ZDHHC15: variants seen among roughly 807,000 people sequenced by gnomAD.
ZDHHC15 encodes the protein palmitoyltransferase ZDHHC15.
ZDHHC15 carries 19 observed loss-of-function variants against 31.7 expected under a neutral mutation model. The observed-to-expected ratio is 0.60, with a 90% CI of 0.42 to 0.88. The LOEUF (loss-of-function observed/expected upper bound fraction) is 0.88, where lower values mean the gene tolerates loss of function less well. Ranked by LOEUF, ZDHHC15 falls within the 40% of genes least tolerant of loss-of-function variation. The pLI is 0.00. For synonymous variants in ZDHHC15, 103 were observed against 90.0 expected (o/e 1.14, Z -0.82); for missense variants, 209 against 251.2 (o/e 0.83, Z 1.14).
At chrX:75,486,040 C>A (rs867180828) in intron 2 of ZDHHC15, among the ~76,000 whole-genome samples, 2 of 110,280 alleles carry the variant, frequency 1.8e-5, no homozygotes, top group African/African-American at 3.3e-5. Context: ...CAAGGAAAAC[C>A]AAAAAAAATC....
chrX:75,429,579 C>T (rs2083754210), intron 6 of ZDHHC15, among the ~76,000 whole-genome samples: 1 of 111,500 alleles, frequency 9.0e-6, no homozygotes, highest in Admixed American at 9.6e-5. Flanking sequence ...GTCTGATATA[C>T]AAAATTTGGA....
intron 10 of ZDHHC15, among the ~76,000 whole-genome samples, chrX:75,382,349 A>C (rs2083123079): frequency 8.9e-6 from 1 of 112,471 alleles, no homozygotes; most frequent in African/African-American, 3.2e-5. Context: ...AACATCCATG[A>C]TATTACTGCA....
intron 4 of ZDHHC15, among the ~76,000 whole-genome samples, chrX:75,444,306 A>C (rs1480079969): frequency 9.2e-6 from 1 of 109,008 alleles, no homozygotes; most frequent in Non-Finnish European, 1.9e-5. Flanking sequence ...GGATGAGTTC[A>C]TGTCCTTTGT....
chrX:75,487,917 G>A (rs2084804049), intron 2 of ZDHHC15, among the ~76,000 whole-genome samples: 1 of 111,981 alleles, frequency 8.9e-6, no homozygotes, highest in Non-Finnish European at 1.9e-5. Flanking sequence ...TGAACAAAGA[G>A]AAGAAAAAAC....
intron 2 of ZDHHC15, among the ~76,000 whole-genome samples, chrX:75,497,364 T>C (rs765829802): frequency 1.8e-5 from 2 of 111,051 alleles, no homozygotes; most frequent in Admixed American, 9.6e-5. Flanking sequence ...CAAAAAGAAA[T>C]CCAGGACCAG....
chrX:75,373,464 G>C (rs1241150445), intron 11 of ZDHHC15, among the ~76,000 whole-genome samples: 1 of 110,570 alleles, frequency 9.0e-6, no homozygotes, highest in Non-Finnish European at 1.9e-5. Flanking sequence ...CATATAGTAG[G>C]CCCTCAAGTA....
At position 75,417,070 on chromosome X, in the gene ZDHHC15, T is replaced by C; in HGVS notation, c.967+17A>G. ...GGTTGTATTAATGTGGACTTCATAGTCTTTGACCCCACTTACCTTGGTTGT... is the reference window on the plus strand; with the variant it reads ...GGTTGTATTAATGTGGACTTCATAGCCTTTGACCCCACTTACCTTGGTTGT... On this transcript the variant is annotated intron_variant, in intron 10 of 11. Coordinates refer to ENST00000373367, the MANE Select transcript of ZDHHC15 (RefSeq NM_144969.3). 1 of 1,164,719 alleles carries C rather than the reference T, an allele frequency of 8.6e-7. No homozygotes were observed. The highest frequency in any genetic ancestry group is 1.2e-6 in the Non-Finnish European group (1 of 854,851).
intron 3 of ZDHHC15, among the ~76,000 whole-genome samples, chrX:75,463,160 T>C (rs1569342920): frequency 9.0e-6 from 1 of 110,554 alleles, no homozygotes; most frequent in Non-Finnish European, 1.9e-5. Flanking sequence ...TGAGAAAATT[T>C]AGAATAAATT....
intron 1 of ZDHHC15, among the ~76,000 whole-genome samples, chrX:75,510,043 C>A (rs866418867): frequency 6.0e-4 from 67 of 111,608 alleles, no homozygotes; most frequent in African/African-American, 2.0e-3. Flanking sequence ...AGACACATTT[C>A]TGAGTGTTTT....
At chrX:75,383,495 C>T (rs1359603064) in intron 10 of ZDHHC15, among the ~76,000 whole-genome samples, 4 of 110,734 alleles carry the variant, frequency 3.6e-5, no homozygotes, top group Non-Finnish European at 7.5e-5. Flanking sequence ...TCTGCTTCTG[C>T]ACTGCTCTCT....
chrX:75,434,554 T>C (rs996623189), intron 4 of ZDHHC15, among the ~76,000 whole-genome samples: 1 of 112,401 alleles, frequency 8.9e-6, no homozygotes, highest in Non-Finnish European at 1.9e-5. Context: ...TTCTTCTACA[T>C]GTGGCTTGCC....
At chrX:75,398,323 C>T (rs1282129988) in intron 10 of ZDHHC15, among the ~76,000 whole-genome samples, 2 of 112,125 alleles carry the variant, frequency 1.8e-5, no homozygotes, top group Non-Finnish European at 3.8e-5. Context: ...GCTCCTCTAC[C>T]AAAACAAAGC....
At chrX:75,456,032 T>C (rs767496461) in intron 3 of ZDHHC15, among the ~76,000 whole-genome samples, 3 of 111,751 alleles carry the variant, frequency 2.7e-5, no homozygotes, top group Admixed American at 1.9e-4. Flanking sequence ...TAAATCATGC[T>C]ACTAGAAAGA....
At chrX:75,491,859 G>C (rs188833223) in intron 2 of ZDHHC15, among the ~76,000 whole-genome samples, 2 of 111,319 alleles carry the variant, frequency 1.8e-5, no homozygotes, top group African/African-American at 6.5e-5. Flanking sequence ...AAAGTCCATC[G>C]AGGCAAGGAA....
intron 3 of ZDHHC15, among the ~76,000 whole-genome samples, chrX:75,474,119 T>C (rs1436948409): frequency 9.0e-6 from 1 of 111,015 alleles, no homozygotes; most frequent in Non-Finnish European, 1.9e-5. Context: ...TGGGTGTGTC[T>C]GTGAGGGTGC....
chrX:75,502,089 G>A (rs1432122601), intron 2 of ZDHHC15: 2 of 111,726 alleles, frequency 1.8e-5, no homozygotes, highest in African/African-American at 6.5e-5. Flanking sequence ...ACACAGACTG[G>A]GTCTCTAAAT....
chrX:75,434,609 T>A (rs2083825584), intron 4 of ZDHHC15, among the ~76,000 whole-genome samples: 1 of 111,847 alleles, frequency 8.9e-6, no homozygotes, highest in Non-Finnish European at 1.9e-5. Flanking sequence ...TTTCCCCACT[T>A]TATGTTTTTG....
intron 6 of ZDHHC15, 100 bp from the exon 7 acceptor site, chrX:75,429,298 C>T (rs763101533): frequency 8.7e-5 from 87 of 996,161 alleles, no homozygotes; most frequent in Admixed American, 5.9e-4. Context: ...AGTTCTGCTG[C>T]TTCATTATGT....
At chrX:75,505,888 G>T (rs1350512894) in intron 1 of ZDHHC15, 41 bp from the exon 2 acceptor site, 1 of 1,072,735 alleles carries the variant, frequency 9.3e-7, no homozygotes, top group Non-Finnish European at 1.3e-6. Flanking sequence ...CAGACAGACA[G>T]AGATGGATGA....
Sources: allele counts gnomAD v4.1 joint callset (sites outside exome capture counted in the v4.1 genomes callset), GRCh38; gene constraint gnomAD v4.1.1; transcripts MANE v1.5; gene names NCBI Gene and HGNC (gene_info 2026-07-23, HGNC 2026-07-21).